Variants in MCMDC2 observed in about 807,000 individuals in gnomAD.
MCMDC2 encodes minichromosome maintenance domain containing 2.
Under a neutral mutation model 75.8 loss-of-function variants are expected in MCMDC2, and 54 were observed. The observed-to-expected ratio is 0.71, with a 90% CI of 0.57 to 0.89. The LOEUF is 0.89. Ranked by LOEUF, MCMDC2 falls within the 40% of genes least tolerant of loss-of-function variation. MCMDC2 has a pLI of 0.00. For missense variants in MCMDC2, 656 were observed against 780.4 expected, an observed-to-expected ratio of 0.84 and a Z score of 1.90; for synonymous variants, 249 against 274.6, an observed-to-expected ratio of 0.91 and a Z score of 0.92.
At chr8:66,914,276 C>T (rs1385973001) in intron 14 of MCMDC2, among the ~76,000 whole-genome samples, 2 of 125,780 alleles carry the variant, frequency 1.6e-5, no homozygotes, top group Non-Finnish European at 3.2e-5. Flanking sequence ...GAGTAAGACC[C>T]TGTATCCAAA....
intron 9 of MCMDC2, among the ~76,000 whole-genome samples, chr8:66,886,665 C>T (rs891962423): frequency 1.3e-4 from 19 of 151,948 alleles, no homozygotes; most frequent in Non-Finnish European, 2.5e-4. Flanking sequence ...CCCAGCTACA[C>T]TTGGGAAGCT....
chr8:66,870,962 C>G (rs977136946), intron 1 of MCMDC2, 131 bp downstream of exon 1: 2 of 152,362 alleles, frequency 1.3e-5, no homozygotes, highest in African/African-American at 4.8e-5. Context: ...CAGTCTTCCC[C>G]TCACCAGTTC....
chr8:66,872,822 GTGACACA>G (rs1563672203), intron 1 of MCMDC2, among the ~76,000 whole-genome samples: 1 of 152,008 alleles, frequency 6.6e-6, no homozygotes, highest in Non-Finnish European at 1.5e-5. Flanking sequence ...GCTGGGCCGG[GTGACACA>G]TGCCTATAAT....
At chr8:66,873,997 A>G in intron 1 of MCMDC2, 56 bp from the exon 2 acceptor site, 1 of 553,868 alleles carries the variant, frequency 1.8e-6, no homozygotes, top group Non-Finnish European at 2.9e-6. Context: ...GTCAACTTTA[A>G]TAATTTGTAA....
chr8:66,895,064 T>C (rs1812283719), intron 10 of MCMDC2, among the ~76,000 whole-genome samples: 1 of 152,216 alleles, frequency 6.6e-6, no homozygotes, highest in South Asian at 2.1e-4. Context: ...CCACAGATGC[T>C]CAAGTCCCTT....
At chr8:66,904,485 C>T (rs1378365255) in intron 13 of MCMDC2, among the ~76,000 whole-genome samples, 1 of 152,116 alleles carries the variant, frequency 6.6e-6, no homozygotes, top group African/African-American at 2.4e-5. Flanking sequence ...AGTTGCAAAA[C>T]TTTCAAATGC....
At chr8:66,902,395 T>TA (rs879876834) in intron 13 of MCMDC2, among the ~76,000 whole-genome samples, 113 of 131,672 alleles carry the variant, frequency 8.6e-4, no homozygotes, top group African/African-American at 2.1e-3. Context: ...CTTCTCAATT[T>TA]AAAAAAAAAA....
At position 66,874,052 on chromosome 8, in the gene MCMDC2, GGTTTTCAC is replaced by G; in HGVS notation, c.-88_-81del. 1.2e-6 allele frequency: 1 copy of G among 806,586 alleles called. No individual in the cohort carries two copies. The highest frequency in any genetic ancestry group is 1.9e-6 in the Non-Finnish European group (1 of 536,092). 50.0% of individuals were successfully genotyped at this position (806,586 alleles called of 1,614,324 possible). ...AAAAATAAAATTAATTTTATTTCTA[GGTTTTCAC>G]ATCCTTTCTATGAGTTTCGCCATCT... On this transcript the variant is annotated splice_region_variant and 5_prime_UTR_variant, in exon 2 of 15. Coordinates refer to ENST00000422365, the MANE Select transcript of MCMDC2 (RefSeq NM_173518.5).
At chr8:66,884,307 CT>C in intron 9 of MCMDC2, 1 of 362,794 alleles carries the variant, frequency 2.8e-6, no homozygotes, top group Non-Finnish European at 4.9e-6. Flanking sequence ...AGTCTTCCCC[CT>C]AAGGAACAAA....
intron 14 of MCMDC2, among the ~76,000 whole-genome samples, chr8:66,906,149 G>T (rs1017219526): frequency 1.3e-5 from 2 of 151,978 alleles, no homozygotes; most frequent in Non-Finnish European, 1.5e-5. Context: ...TAATAAACAC[G>T]CAAAAGAGGT....
intron 1 of MCMDC2, among the ~76,000 whole-genome samples, chr8:66,873,343 A>T (rs1487731443): frequency 6.6e-6 from 1 of 152,228 alleles, no homozygotes; most frequent in East Asian, 1.9e-4. Context: ...CAACCAGGAA[A>T]TGCTGGGTCT....
chr8:66,875,061 A>C (rs1385061036), intron 4 of MCMDC2, among the ~76,000 whole-genome samples: 1 of 151,698 alleles, frequency 6.6e-6, no homozygotes, highest in Admixed American at 6.6e-5. Context: ...GCCAACATTA[A>C]ACACTTTTAT....
intron 8 of MCMDC2, among the ~76,000 whole-genome samples, chr8:66,882,757 T>G (rs932965994): frequency 6.6e-6 from 1 of 152,168 alleles, no homozygotes; most frequent in African/African-American, 2.4e-5. Flanking sequence ...TTCTAAATAC[T>G]TCTACTTACT....
intron 14 of MCMDC2, among the ~76,000 whole-genome samples, chr8:66,913,681 A>G (rs961204276): frequency 6.6e-6 from 1 of 152,142 alleles, no homozygotes; most frequent in Admixed American, 6.6e-5. Context: ...AAGTGAACAC[A>G]TGGGCCGGGC....
chr8:66,919,774 T>G lies in MCMDC2; in HGVS notation c.*605T>G, dbSNP rs547663350. 6.6e-6 allele frequency: 1 copy of G among 152,236 alleles called. No individual in the cohort carries two copies. The highest frequency in any genetic ancestry group is 2.1e-4 in the South Asian group (1 of 4,830). The allele number at this position is 152,236 out of a possible 1,614,324, so 9.4% of individuals were successfully genotyped here. On this transcript the variant is annotated 3_prime_UTR_variant, in exon 15 of 15. Transcript: ENST00000422365. ...TTCCATACGTATACGCTAGGTTAAA[T>G]GAAAAAAATACTTTACACGGAAACA... is the stretch of plus-strand genomic sequence containing the variant.
intron 1 of MCMDC2, among the ~76,000 whole-genome samples, 169 bp downstream of exon 1, chr8:66,871,000 GA>G (rs1051973809): frequency 6.6e-6 from 1 of 152,200 alleles, no homozygotes; most frequent in African/African-American, 2.4e-5. Flanking sequence ...GGCACGGAGA[GA>G]AGACAGAATC....
In MCMDC2 at chr8:66,905,349, T is replaced by C; in HGVS notation, c.1879+14T>C. ...CATTGAAATATGGTAATGAATTAAA[T>C]TATTAATGATCACTACAAATAACTT... On this transcript the variant is annotated intron_variant, in intron 14 of 14. Coordinates refer to ENST00000422365, the MANE Select transcript of MCMDC2 (RefSeq NM_173518.5). 2.1e-6 allele frequency: 3 copies of C among 1,445,646 alleles called. No homozygotes were observed. The highest frequency in any genetic ancestry group is 3.6e-4 in the Middle Eastern group (2 of 5,602). 89.6% of individuals were successfully genotyped at this position (1,445,646 alleles called of 1,614,324 possible).
intron 10 of MCMDC2, 55 bp downstream of exon 10, chr8:66,891,125 T>TG: frequency 1.5e-6 from 2 of 1,377,964 alleles, no homozygotes; most frequent in Non-Finnish European, 2.0e-6. Context: ...CTCTCATCCA[T>TG]GTTGAGATAC....
In MCMDC2 at chr8:66,877,382, C is replaced by T. The variant is rs745439331; in HGVS notation, c.319C>T (p.Pro107Ser). The change falls in exon 5 of 15, where the codon CCC becomes TCC. Residue 107 changes from proline (P) to serine (S), a missense_variant. Transcript: ENST00000422365. ...AGTGCTGAAATTAACACATTTACCTCCCCTGCCAAGTTATGGTCTTGATCT... is the reference window on the plus strand; with the variant it reads ...AGTGCTGAAATTAACACATTTACCTTCCCTGCCAAGTTATGGTCTTGATCT... ...NIVLKLTHLP[P>S]LPSYGLDLCE... 1 of 1,611,932 alleles carries T rather than the reference C, an allele frequency of 6.2e-7. No homozygotes were observed. Among genetic ancestry groups the T allele is most frequent in the Admixed American group, 1.7e-5 (1 of 59,732 alleles).
Sources: allele counts gnomAD v4.1 joint callset (sites outside exome capture counted in the v4.1 genomes callset), GRCh38; gene constraint gnomAD v4.1.1; transcripts MANE v1.5; gene names NCBI Gene and HGNC (gene_info 2026-07-23, HGNC 2026-07-21).